Variants in PCDHGB7 observed in about 807,000 individuals in gnomAD.
The protein encoded by PCDHGB7 is protocadherin gamma subfamily B, 7, also known as protocadherin gamma-B7.
In PCDHGB7, 37 loss-of-function variants were observed where a neutral mutation model predicts 61.4. The ratio of observed to expected loss-of-function variants is 0.60; its 90% CI spans 0.46 to 0.79. PCDHGB7 has a LOEUF of 0.79. Among genes scored for constraint, PCDHGB7 ranks in the 30% least tolerant of loss-of-function variants. The probability of loss-of-function intolerance (pLI) is 0.00; values close to 1 mark genes in which losing one functional copy is unlikely to be tolerated. For synonymous variants in PCDHGB7, 464 were observed against 503.5 expected, an observed-to-expected ratio of 0.92 and a Z score of 1.05; for missense variants, 1,166 against 1,202.5, an observed-to-expected ratio of 0.97 and a Z score of 0.45.
intron 1 of PCDHGB7, chr5:141,422,627 C>T: frequency 6.2e-7 from 1 of 1,613,350 alleles, no homozygotes; most frequent in Non-Finnish European, 8.5e-7. Flanking sequence ...GAAAACAACC[C>T]CAGGGGTGCC....
chr5:141,491,208 C>G lies in PCDHGB7; in HGVS notation c.2416-3599C>G. 6.2e-7 allele frequency: 1 copy of G among 1,614,204 alleles called. No individual in the cohort carries two copies. Among genetic ancestry groups the G allele is most frequent in the Non-Finnish European group, 8.5e-7 (1 of 1,180,026 alleles). ...TGAGGGACAATGGTGACCCTTCACTCTCCTCCACAGCCACAGTGCTGCTGG... is the reference window on the plus strand; with the variant it reads ...TGAGGGACAATGGTGACCCTTCACTGTCCTCCACAGCCACAGTGCTGCTGG... On this transcript the variant is annotated intron_variant, in intron 1 of 3. Coordinates refer to ENST00000398594, the MANE Select transcript of PCDHGB7 (RefSeq NM_018927.4). This position sits in a 1 kb window ranked among gnomAD's most constrained non-coding sequence, Gnocchi z 6.9.
chr5:141,508,479 T>G (rs1361434920), intron 3 of PCDHGB7, among the ~76,000 whole-genome samples: 1 of 152,152 alleles, frequency 6.6e-6, no homozygotes, highest in Non-Finnish European at 1.5e-5. Flanking sequence ...TCTTTTACAT[T>G]CTGGATTTCC....
intron 1 of PCDHGB7, among the ~76,000 whole-genome samples, chr5:141,482,529 GC>G (rs1229840218): frequency 3.6e-5 from 2 of 56,040 alleles, no homozygotes; most frequent in Non-Finnish European, 5.8e-5. Context: ...AGACAGACAT[GC>G]AAAAAAAAAA....
chr5:141,478,623 GT>G (rs1337268572), intron 1 of PCDHGB7: 14 of 1,554,358 alleles, frequency 9.0e-6, no homozygotes, highest in African/African-American at 1.4e-5. Context: ...GAATGGAGCT[GT>G]TTTTTTAGTG....
intron 1 of PCDHGB7, chr5:141,426,835 C>G (rs1038394702): frequency 6.6e-6 from 3 of 456,576 alleles, no homozygotes; most frequent in Non-Finnish European, 1.3e-5. Flanking sequence ...ATGGACAAGA[C>G]TAAAGGCAAG....
Position 141,487,278 on chromosome 5 carries a change from T to G in PCDHGB7, c.2416-7529T>G. 6 of 1,614,180 alleles carry G rather than the reference T, an allele frequency of 3.7e-6. No individual in the cohort carries two copies. Among genetic ancestry groups the G allele is most frequent in the Non-Finnish European group, 5.1e-6 (6 of 1,180,040 alleles). On this transcript the variant is annotated intron_variant, in intron 1 of 3. Coordinates refer to ENST00000398594, the MANE Select transcript of PCDHGB7 (RefSeq NM_018927.4). The surrounding 1 kb of genome is among the most constrained non-coding windows in gnomAD (Gnocchi z 5.0). Reference sequence around the variant, plus strand: ...GCTGTGTCCCTAGTGGCAATTTGCTTTGTCTCCTTTGGCTCATTCGTGGCA... The same window carrying G: ...GCTGTGTCCCTAGTGGCAATTTGCTGTGTCTCCTTTGGCTCATTCGTGGCA...
Position 141,489,068 on chromosome 5 carries a change from G to GGCC in PCDHGB7, c.2416-5739_2416-5738insGCC. The GGCC allele has an allele frequency of 3.4e-6, 1 of 291,556 alleles. No individual in the cohort carries two copies. The allele number at this position is 291,556 out of a possible 1,614,324, so 18.1% of individuals were successfully genotyped here. A position where few individuals can be genotyped will look rare whatever the true frequency, so the allele number is the denominator to read the frequency against. ...CTCAAATTCAGCTCCCCTCCCCCCT[G>GGCC]CCCACCCCCGCCACTCGGTGACTAA... On this transcript the variant is annotated intron_variant, in intron 1 of 3. Coordinates refer to ENST00000398594, the MANE Select transcript of PCDHGB7 (RefSeq NM_018927.4). The surrounding 1 kb of genome is among the most constrained non-coding windows in gnomAD (Gnocchi z 4.5).
chr5:141,507,075 C>T (rs1006779614), intron 3 of PCDHGB7: 25 of 152,176 alleles, frequency 1.6e-4, no homozygotes, highest in Admixed American at 1.1e-3. Context: ...CCTGGCTCAA[C>T]TCCTAAGTTT....
chr5:141,460,157 C>T (rs1388985005), intron 1 of PCDHGB7, among the ~76,000 whole-genome samples: 1 of 151,968 alleles, frequency 6.6e-6, no homozygotes, highest in Admixed American at 6.6e-5. Context: ...CTCTTTGTCA[C>T]ATACATATTT....
At chr5:141,421,069 AGATG>A in intron 1 of PCDHGB7, 1 of 598,532 alleles carries the variant, frequency 1.7e-6, no homozygotes, top group Non-Finnish European at 2.8e-6. Context: ...AAGCGGAATG[AGATG>A]GATACTCACA....
intron 1 of PCDHGB7, among the ~76,000 whole-genome samples, chr5:141,481,478 T>C (rs2099538352): frequency 6.6e-6 from 1 of 152,232 alleles, no homozygotes; most frequent in African/African-American, 2.4e-5. Context: ...GATTATACAC[T>C]TTAAATATGT....
Position 141,487,631 on chromosome 5 carries a change from G to T in PCDHGB7, c.2416-7176G>T. Reference sequence around the variant, plus strand: ...TGGGCTAGAGGTGAGACCTTTGCAGGCTCAACAAATGCTTGAGGGTTATTC... The same window carrying T: ...TGGGCTAGAGGTGAGACCTTTGCAGTCTCAACAAATGCTTGAGGGTTATTC... On this transcript the variant is annotated intron_variant, in intron 1 of 3. Transcript: ENST00000398594. The surrounding 1 kb of genome is among the most constrained non-coding windows in gnomAD (Gnocchi z 5.0). The T allele has an allele frequency of 6.2e-7, 1 of 1,614,176 alleles. No individual in the cohort carries two copies. Among genetic ancestry groups the T allele is most frequent in the Non-Finnish European group, 8.5e-7 (1 of 1,180,032 alleles).
chr5:141,481,200 T>A (rs977235584), intron 1 of PCDHGB7, among the ~76,000 whole-genome samples: 2 of 152,178 alleles, frequency 1.3e-5, no homozygotes, highest in Non-Finnish European at 2.9e-5. Flanking sequence ...CCAATTTTTT[T>A]AAAAAACATG....
At position 141,485,342 on chromosome 5, in the gene PCDHGB7, G is replaced by A; in HGVS notation, c.2416-9465G>A. On this transcript the variant is annotated intron_variant, in intron 1 of 3. Coordinates refer to ENST00000398594, the MANE Select transcript of PCDHGB7 (RefSeq NM_018927.4). The surrounding 1 kb of genome is among the most constrained non-coding windows in gnomAD (Gnocchi z 5.7). ...CGCTCAAGATTTCCTGCTGGATACG[G>A]ACAGTCTGTCAGCTCGCAGGCTGCA... 1 of 1,614,164 alleles carries A rather than the reference G, an allele frequency of 6.2e-7. No homozygotes were observed. The highest frequency in any genetic ancestry group is 8.5e-7 in the Non-Finnish European group (1 of 1,180,026).
chr5:141,460,833 T>G (rs541553903), intron 1 of PCDHGB7, among the ~76,000 whole-genome samples: 2 of 151,928 alleles, frequency 1.3e-5, no homozygotes, highest in African/African-American at 4.8e-5. Flanking sequence ...ACACTTAAAG[T>G]AATGGCCTCC....
At chr5:141,443,615 C>T (rs1430581477) in intron 1 of PCDHGB7, among the ~76,000 whole-genome samples, 3 of 152,198 alleles carry the variant, frequency 2.0e-5, no homozygotes, top group Non-Finnish European at 4.4e-5. Flanking sequence ...TTCTTATAAT[C>T]AGGTGATTGT....
intron 1 of PCDHGB7, chr5:141,423,426 G>A: frequency 6.2e-7 from 1 of 1,614,028 alleles, no homozygotes; most frequent in Non-Finnish European, 8.5e-7. Context: ...AAGGCGGGTT[G>A]GCAGGTATGC....
Position 141,486,638 on chromosome 5 carries a change from C to T in PCDHGB7, c.2416-8169C>T, listed in dbSNP as rs753730551. 5.6e-6 allele frequency: 9 copies of T among 1,613,700 alleles called. No homozygotes were observed. In the East Asian group the frequency reaches 8.9e-5, roughly 16 times the overall value. On this transcript the variant is annotated intron_variant, in intron 1 of 3. Coordinates refer to ENST00000398594, the MANE Select transcript of PCDHGB7 (RefSeq NM_018927.4). This position sits in a 1 kb window ranked among gnomAD's most constrained non-coding sequence, Gnocchi z 5.0. The stretch of plus-strand genomic sequence containing the variant: ...TGACCCAGACTCTGGCTTGAATGCG[C>T]TTATCTCCTACTCACTCCTGGAGCC...
At chr5:141,422,280 C>A in intron 1 of PCDHGB7, 1 of 1,557,754 alleles carries the variant, frequency 6.4e-7, no homozygotes, top group Non-Finnish European at 8.6e-7. Context: ...TAACTATCAC[C>A]TCTTCTATTA....
Sources: allele counts gnomAD v4.1 joint callset (sites outside exome capture counted in the v4.1 genomes callset), GRCh38; gene constraint gnomAD v4.1.1; non-coding constraint Gnocchi (gnomAD v3.1); transcripts MANE v1.5; gene names NCBI Gene and HGNC (gene_info 2026-07-23, HGNC 2026-07-21).